The following CTIF variants were observed in gnomAD, a reference collection of about 807,000 sequenced individuals.
CTIF encodes cap binding complex dependent translation initiation factor.
A neutral mutation model predicts 66.0 loss-of-function variants in CTIF; 21 were observed. The observed-to-expected ratio is 0.32, with a 90% CI of 0.23 to 0.46. The LOEUF is 0.46. CTIF is among the 20% of genes least tolerant of loss of function. The pLI is 1.00. For missense variants in CTIF, 739 were observed against 812.7 expected (o/e 0.91, Z 1.10); for synonymous variants, 345 against 326.4 (o/e 1.06, Z -0.62).
At chr18:48,812,964 C>T (rs2146299718) in intron 9 of CTIF, among the ~76,000 whole-genome samples, 1 of 152,016 alleles carries the variant, frequency 6.6e-6, no homozygotes. Flanking sequence ...CTCTAATTCA[C>T]AGACTAGATG....
intron 1 of CTIF, among the ~76,000 whole-genome samples, chr18:48,612,973 C>CTGAAGAAGTGTGGGG (rs2090335204): frequency 6.6e-6 from 1 of 152,042 alleles, no homozygotes; most frequent in Non-Finnish European, 1.5e-5. Flanking sequence ...AGGAAAGAGC[C>CTGAAGAAGTGTGGGG]TGAAGAAGTG....
At chr18:48,817,648 T>C (rs2068395847) in intron 10 of CTIF, among the ~76,000 whole-genome samples, 2 of 151,984 alleles carry the variant, frequency 1.3e-5, no homozygotes, top group South Asian at 4.2e-4. Context: ...TGGTGGTGGG[T>C]GCCTGTAATC....
intron 6 of CTIF, among the ~76,000 whole-genome samples, chr18:48,708,685 C>T (rs1042277220): frequency 6.6e-6 from 1 of 152,226 alleles, no homozygotes; most frequent in Non-Finnish European, 1.5e-5. Context: ...ACCTCTGTCA[C>T]TTTGTTCCAC....
intron 6 of CTIF, among the ~76,000 whole-genome samples, chr18:48,684,527 T>C (rs1271692218): frequency 6.6e-6 from 1 of 152,234 alleles, no homozygotes; most frequent in African/African-American, 2.4e-5. Context: ...TTCCTGCTGA[T>C]TTTCTTATTA....
intron 7 of CTIF, among the ~76,000 whole-genome samples, chr18:48,738,541 T>G (rs182953903): frequency 6.6e-6 from 1 of 150,986 alleles, no homozygotes; most frequent in Non-Finnish European, 1.5e-5. Flanking sequence ...CTGTTCCCCC[T>G]CCCCGGATTG....
chr18:48,744,820 TTC>T (rs2092582855), intron 7 of CTIF, among the ~76,000 whole-genome samples: 1 of 151,804 alleles, frequency 6.6e-6, no homozygotes, highest in South Asian at 2.1e-4. Context: ...TTCTTTCTTC[TTC>T]TTTTTTTTTT....
chr18:48,817,846 C>T (rs1460581258), intron 10 of CTIF, among the ~76,000 whole-genome samples: 1 of 151,954 alleles, frequency 6.6e-6, no homozygotes, highest in African/African-American at 2.4e-5. Flanking sequence ...CTCCCCAAAG[C>T]CAGGTCTTTC....
At chr18:48,806,439 C>T (rs1384570067) in intron 9 of CTIF, among the ~76,000 whole-genome samples, 1 of 152,162 alleles carries the variant, frequency 6.6e-6, no homozygotes, top group African/African-American at 2.4e-5. Flanking sequence ...CAGCAGCCAC[C>T]TCTCTGGACA....
At chr18:48,754,257 G>A (rs1450979060) in intron 7 of CTIF, among the ~76,000 whole-genome samples, 1 of 152,228 alleles carries the variant, frequency 6.6e-6, no homozygotes, top group African/African-American at 2.4e-5. Context: ...GTGTCTAAAG[G>A]CGAATGGGAG....
At chr18:48,788,167 C>G (rs1911887881) in intron 9 of CTIF, among the ~76,000 whole-genome samples, 1 of 152,124 alleles carries the variant, frequency 6.6e-6, no homozygotes, top group Admixed American at 6.5e-5. Context: ...GAGAAGAAAC[C>G]TGAATTTGGG....
chr18:48,641,313 C>T (rs1189969995), intron 3 of CTIF, among the ~76,000 whole-genome samples: 2 of 152,186 alleles, frequency 1.3e-5, no homozygotes, highest in Non-Finnish European at 2.9e-5. Context: ...AATTAATATG[C>T]ACCACAACAG....
intron 1 of CTIF, among the ~76,000 whole-genome samples, chr18:48,545,224 C>T (rs547092076): frequency 2.6e-5 from 4 of 152,208 alleles, no homozygotes; most frequent in African/African-American, 9.7e-5. Flanking sequence ...ATGCAGACAG[C>T]GCTCAGAGTG....
chr18:48,758,251 T>C lies in CTIF; in HGVS notation c.917T>C (p.Val306Ala). 1 of 1,613,074 alleles carries C rather than the reference T, an allele frequency of 6.2e-7. No individual in the cohort carries two copies. The highest frequency in any genetic ancestry group is 1.1e-5 in the South Asian group (1 of 91,028). Reference protein sequence around the residue: ...APRSPDTLAPVASERLPPQQS... With the variant: ...APRSPDTLAPAASERLPPQQS... ...CGCAGCCCTGACACCCTGGCCCCGG[T>C]GGCTTCTGAGCGGCTGCCCCCACAG... The change falls in exon 8 of 12, where the codon GTG (valine) becomes GCG (alanine). Residue 306 changes from valine to alanine, a missense_variant. Physicochemically the swap from Val to Ala is moderately conservative, Grantham distance 64. Coordinates refer to ENST00000256413, the MANE Select transcript of CTIF (RefSeq NM_014772.3).
At chr18:48,634,790 C>T (rs1400136348) in intron 2 of CTIF, among the ~76,000 whole-genome samples, 1 of 152,190 alleles carries the variant, frequency 6.6e-6, no homozygotes, top group East Asian at 1.9e-4. Flanking sequence ...TTCTCTAGGG[C>T]TCCACTGACC....
intron 9 of CTIF, among the ~76,000 whole-genome samples, chr18:48,797,031 A>G (rs986021191): frequency 6.6e-6 from 1 of 152,158 alleles, no homozygotes; most frequent in Non-Finnish European, 1.5e-5. Flanking sequence ...CAGGTCTCCA[A>G]TGTACTTGTC....
intron 3 of CTIF, among the ~76,000 whole-genome samples, chr18:48,638,879 C>A (rs999776875): frequency 1.3e-5 from 2 of 152,232 alleles, no homozygotes; most frequent in Admixed American, 6.5e-5. Context: ...TGCATAGAAC[C>A]CCACCTAATC....
intron 9 of CTIF, among the ~76,000 whole-genome samples, chr18:48,808,097 C>G (rs530969654): frequency 6.6e-6 from 1 of 152,034 alleles, no homozygotes; most frequent in Non-Finnish European, 1.5e-5. Context: ...AAAGTCATAC[C>G]AATGCCCATA....
At chr18:48,797,171 C>T (rs894705723) in intron 9 of CTIF, among the ~76,000 whole-genome samples, 1 of 152,136 alleles carries the variant, frequency 6.6e-6, no homozygotes, top group Non-Finnish European at 1.5e-5. Flanking sequence ...TTGTCTCAGT[C>T]CTGTTTTTCT....
chr18:48,642,945 G>A (rs753547508), intron 3 of CTIF, among the ~76,000 whole-genome samples: 11 of 152,190 alleles, frequency 7.2e-5, no homozygotes, highest in Admixed American at 3.9e-4. Flanking sequence ...TACCCAGAAC[G>A]GGTCATGTGG....
Sources: allele counts gnomAD v4.1 joint callset (sites outside exome capture counted in the v4.1 genomes callset), GRCh38; gene constraint gnomAD v4.1.1; transcripts MANE v1.5; gene names NCBI Gene and HGNC (gene_info 2026-07-23, HGNC 2026-07-21).